Variants in APTX observed in about 807,000 individuals in gnomAD.
The protein encoded by APTX is forkhead-associated domain histidine triad-like protein.
Under a neutral mutation model 42.3 loss-of-function variants are expected in APTX, and 33 were observed. That is an observed-to-expected ratio of 0.78 (90% CI 0.59 to 1.04). APTX has a LOEUF of 1.04. APTX is among the 50% of genes least tolerant of loss of function. The pLI, the probability that APTX is intolerant of heterozygous loss-of-function variation, is 0.00. For missense variants in APTX, 421 were observed against 415.1 expected (o/e 1.01, Z -0.12); for synonymous variants, 130 against 146.7 (o/e 0.89, Z 0.82).
chr9:32,981,992 A>AT (rs1044491832), intron 6 of APTX, among the ~76,000 whole-genome samples: 5 of 149,040 alleles, frequency 3.4e-5, no homozygotes, highest in African/African-American at 1.2e-4. Flanking sequence ...ATATTCATGA[A>AT]TTAAAAAAAA....
At position 32,984,864 on chromosome 9, in the gene APTX, G is replaced by A; in HGVS notation, c.544-7C>T. ...CCTGCTCATCTTTGTAAACCTAGCA[G>A]AGGGATACAAGAGAAGGAAACAGAC... On this transcript the variant is annotated splice_polypyrimidine_tract_variant and splice_region_variant and intron_variant, in intron 5 of 7. Transcript: ENST00000379817. 1.2e-6 allele frequency: 2 copies of A among 1,607,156 alleles called. No homozygotes were observed. The highest frequency in any genetic ancestry group is 2.2e-5 in the South Asian group (2 of 90,938).
chr9:33,006,740 C>A (rs1377552927), intron 1 of APTX, among the ~76,000 whole-genome samples: 1 of 151,986 alleles, frequency 6.6e-6, no homozygotes. Context: ...GTGGCTCACA[C>A]CTGTAATCCC....
chr9:32,992,011 T>C (rs1833762485), intron 1 of APTX, among the ~76,000 whole-genome samples: 1 of 152,054 alleles, frequency 6.6e-6, no homozygotes. Context: ...ACTAAATGCA[T>C]ATATTTGAGA....
At chr9:33,015,734 T>G (rs1033025631) in intron 1 of APTX, among the ~76,000 whole-genome samples, 1 of 152,256 alleles carries the variant, frequency 6.6e-6, no homozygotes, top group Admixed American at 6.5e-5. Flanking sequence ...GCCACATGCA[T>G]GCAAGAAAAC....
chr9:32,976,522 C>T (rs10971256), intron 6 of APTX, among the ~76,000 whole-genome samples: 18,793 of 152,170 alleles, frequency 0.12, 1,296 homozygotes, highest in East Asian at 0.28. Flanking sequence ...TATGAAAAGA[C>T]CACAGCTTTA....
chr9:33,022,502 T>C (rs1838467866), intron 1 of APTX, among the ~76,000 whole-genome samples: 1 of 152,266 alleles, frequency 6.6e-6, no homozygotes, highest in South Asian at 2.1e-4. Flanking sequence ...TCATGTTGAC[T>C]CAGCAATTTC....
intron 1 of APTX, among the ~76,000 whole-genome samples, chr9:33,013,580 G>T (rs564356321): frequency 6.6e-6 from 1 of 152,216 alleles, no homozygotes; most frequent in Admixed American, 6.5e-5. Flanking sequence ...GCCAAGGCGG[G>T]CAGATCACAA....
At chr9:32,979,686 G>T in intron 6 of APTX, 3 of 161,414 alleles carry the variant, frequency 1.9e-5, no homozygotes, top group South Asian at 3.2e-4. Context: ...GCTCTCTGAT[G>T]ACTTCTTTGG....
At chr9:33,011,841 A>G (rs186163788) in intron 1 of APTX, among the ~76,000 whole-genome samples, 5 of 151,864 alleles carry the variant, frequency 3.3e-5, no homozygotes, top group Non-Finnish European at 7.4e-5. Flanking sequence ...TGCTGAGCCC[A>G]CTCTCCTGAA....
intron 1 of APTX, chr9:33,024,680 G>C (rs1215502608): frequency 2.0e-5 from 3 of 152,206 alleles, no homozygotes; most frequent in East Asian, 1.9e-4. Flanking sequence ...CATGTGTCTA[G>C]GGGCCTGGAC....
intron 1 of APTX, among the ~76,000 whole-genome samples, chr9:33,010,654 G>A (rs973441134): frequency 1.3e-5 from 2 of 151,962 alleles, no homozygotes; most frequent in African/African-American, 2.4e-5. Flanking sequence ...GGGAGGCAGA[G>A]GTTGCAGTGA....
chr9:32,994,919 C>T (rs1161216300), intron 1 of APTX, among the ~76,000 whole-genome samples: 12 of 152,186 alleles, frequency 7.9e-5, no homozygotes, highest in African/African-American at 2.7e-4. Flanking sequence ...GTCCACTCTG[C>T]CTGTGCTCTA....
At chr9:33,005,140 G>A (rs1837044702), upstream of APTX, among the ~76,000 whole-genome samples, 1 of 151,912 alleles carries the variant, frequency 6.6e-6, no homozygotes, top group Admixed American at 6.6e-5. Context: ...TGTTGTAGGA[G>A]TTCTTTATAT....
At chr9:32,974,342 C>T in intron 7 of APTX, 116 bp downstream of exon 7, 1 of 733,786 alleles carries the variant, frequency 1.4e-6, no homozygotes, top group Non-Finnish European at 2.4e-6. Context: ...TTATAGGGAA[C>T]ACAAAGTTGT....
chr9:32,989,516 C>CCATGGTAA (rs1833033351), intron 2 of APTX: 3 of 637,822 alleles, frequency 4.7e-6, no homozygotes, highest in Non-Finnish European at 8.6e-6. Flanking sequence ...TTCCACCATC[C>CCATGGTAA]CATGGTAACA....
chr9:32,991,541 T>C (rs547613567), intron 1 of APTX, among the ~76,000 whole-genome samples: 43 of 152,206 alleles, frequency 2.8e-4, no homozygotes, highest in Non-Finnish European at 5.1e-4. Flanking sequence ...CCCAGCACTT[T>C]GGGAGCCCAA....
At chr9:32,989,966 G>C (rs1833171252) in intron 1 of APTX, 71 bp from the exon 2 acceptor site, 12 of 1,548,842 alleles carry the variant, frequency 7.7e-6, no homozygotes, top group Non-Finnish European at 1.0e-5. Context: ...GCCACACCCG[G>C]TGCCACCACG....
chr9:33,021,454 AT>A (rs1838376987), intron 1 of APTX, among the ~76,000 whole-genome samples: 3 of 152,000 alleles, frequency 2.0e-5, no homozygotes, highest in African/African-American at 7.2e-5. Context: ...ATTAAAAAAA[AT>A]ACAAGGAATA....
chr9:32,978,679 A>T (rs753748647), intron 6 of APTX, among the ~76,000 whole-genome samples: 1 of 151,646 alleles, frequency 6.6e-6, no homozygotes, highest in Non-Finnish European at 1.5e-5. Flanking sequence ...AATAATAGAC[A>T]GCAGATTTTA....
Sources: gnomAD v4.1 joint callset for allele counts (sites outside exome capture counted in the v4.1 genomes callset) on GRCh38, gnomAD v4.1.1 for gene constraint, MANE v1.5 for transcripts, NCBI Gene and HGNC (gene_info 2026-07-23, HGNC 2026-07-21) for gene names.